HMCN1: variants seen among roughly 807,000 people sequenced by gnomAD.
HMCN1 encodes hemicentin 1.
In HMCN1, 321 loss-of-function variants were observed where a neutral mutation model predicts 625.9. The observed-to-expected ratio is 0.51, with a 90% confidence interval of 0.47 to 0.56. The LOEUF (loss-of-function observed/expected upper bound fraction) is 0.56. Ranked by LOEUF, HMCN1 falls within the 20% of genes least tolerant of loss-of-function variation. HMCN1 has a pLI of 0.00. For synonymous variants in HMCN1, 2,425 were observed against 2,417.6 expected (o/e 1.00, Z -0.09); for missense variants, 6,588 against 6,887.3 (o/e 0.96, Z 1.54).
intron 4 of HMCN1, among the ~76,000 whole-genome samples, chr1:185,874,717 GA>G (rs1331397796): frequency 6.6e-6 from 1 of 151,152 alleles, no homozygotes; most frequent in African/African-American, 2.4e-5. Flanking sequence ...GAAGAGAAAG[GA>G]AAAAAAATTC....
At chr1:186,085,978 C>A (rs76254986) in intron 57 of HMCN1, among the ~76,000 whole-genome samples, 159 of 152,204 alleles carry the variant, frequency 1.0e-3, no homozygotes, top group African/African-American at 3.6e-3. Flanking sequence ...TTGACAAAAT[C>A]GTCTTAGGAA....
intron 11 of HMCN1, among the ~76,000 whole-genome samples, chr1:185,962,114 TAGTC>T (rs766507030): frequency 9.2e-5 from 14 of 152,138 alleles, no homozygotes; most frequent in Non-Finnish European, 1.8e-4. Flanking sequence ...GCAGACAGCA[TAGTC>T]AGGACAAGTT....
chr1:186,174,405 C>A, intron 102 of HMCN1, 109 bp from the exon 103 acceptor site: 1 of 1,305,744 alleles, frequency 7.7e-7, no homozygotes, highest in Non-Finnish European at 1.1e-6. Context: ...ATCTCAACCA[C>A]TTGGTGAGAA....
At chr1:185,943,449 C>G (rs1468939334) in intron 11 of HMCN1, among the ~76,000 whole-genome samples, 1 of 152,182 alleles carries the variant, frequency 6.6e-6, no homozygotes, top group Non-Finnish European at 1.5e-5. Flanking sequence ...GAAATACCCC[C>G]ATACATCTGG....
chr1:185,957,970 A>G (rs1239223947), intron 11 of HMCN1, among the ~76,000 whole-genome samples: 4 of 152,222 alleles, frequency 2.6e-5, no homozygotes, highest in African/African-American at 9.6e-5. Flanking sequence ...ACAGAGGAAA[A>G]AAATCTAATT....
chr1:186,188,436 C>T lies in HMCN1; in HGVS notation c.16541+427C>T, dbSNP rs556010603. Among the ~76,000 whole-genome samples the T allele has an allele frequency of 4.6e-5, 7 of 152,282 alleles. No homozygotes were observed. The East Asian group carries it at 5.8e-4, about 13-fold the overall frequency. ...TCACTGACTCACCGCTCCTTGAGAA[C>T]GGAGATGAGTGAGGAATGAGTCAGT... On this transcript the variant is annotated intron_variant, in intron 106 of 106. Coordinates refer to ENST00000271588, the MANE Select transcript of HMCN1 (RefSeq NM_031935.3).
At position 186,087,497 on chromosome 1, in the gene HMCN1, G is replaced by A. The variant is rs533609111; in HGVS notation, c.9215G>A (p.Arg3072Lys). 2 of 1,613,310 alleles carry A rather than the reference G, an allele frequency of 1.2e-6. No homozygotes were observed. The highest frequency in any genetic ancestry group is 1.7e-6 in the Non-Finnish European group (2 of 1,179,506). Reference protein sequence around the residue: ...DSESLSVVNVREGTSVSLECE... With the variant: ...DSESLSVVNVKEGTSVSLECE... The stretch of plus-strand genomic sequence containing the variant: ...GAATCTCTTTCTGTAGTTAATGTAA[G>A]AGAGGGAACTTCTGTGTCTTTGGAG... The change falls in exon 60 of 107, where the codon AGA (arginine) becomes AAA (lysine). Residue 3072 changes from arginine (R) to lysine (K), a missense_variant. Physicochemically the swap from Arg to Lys is conservative, Grantham distance 26 (BLOSUM62 2). Transcript: ENST00000271588.
intron 64 of HMCN1, among the ~76,000 whole-genome samples, 166 bp from the exon 65 acceptor site, chr1:186,092,968 T>G (rs946620178): frequency 1.3e-5 from 2 of 152,102 alleles, no homozygotes; most frequent in Non-Finnish European, 2.9e-5. Context: ...TTCACTTCCT[T>G]TTTTTCTTAT....
intron 84 of HMCN1, 143 bp downstream of exon 84, chr1:186,130,243 G>GA (rs1038131574): frequency 5.9e-6 from 7 of 1,189,202 alleles, no homozygotes; most frequent in African/African-American, 1.6e-5. Flanking sequence ...AAATTCATGA[G>GA]AAAAAAATTA....
At chr1:186,030,363 G>A (rs897983847) in intron 36 of HMCN1, among the ~76,000 whole-genome samples, 2 of 151,890 alleles carry the variant, frequency 1.3e-5, no homozygotes, top group African/African-American at 4.8e-5. Context: ...TGTATATTGG[G>A]GATCTGTTGT....
chr1:185,914,713 T>C lies in HMCN1; in HGVS notation c.900+2933T>C, dbSNP rs537778235. Among the ~76,000 whole-genome samples, 16 of 152,104 alleles carry C rather than the reference T, an allele frequency of 1.1e-4. No individual in the cohort carries two copies. The South Asian group carries it at 3.3e-3, about 31-fold the overall frequency. On this transcript the variant is annotated intron_variant, in intron 6 of 106. Transcript: ENST00000271588. ...AAATGACAAAACTTTCATCAAACTT[T>C]GTCAGATTTTTTTTTCCCTAAAATG...
Position 185,864,539 on chromosome 1 carries a change from T to C in HMCN1, c.409T>C (p.Ser137Pro). 6.2e-7 allele frequency: 1 copy of C among 1,614,092 alleles called. No individual in the cohort carries two copies. The highest frequency in any genetic ancestry group is 8.5e-7 in the Non-Finnish European group (1 of 1,179,966). The change falls in exon 3 of 107, where the codon TCT becomes CCT. Residue 137 changes from serine to proline, a missense_variant. Coordinates refer to ENST00000271588, the MANE Select transcript of HMCN1 (RefSeq NM_031935.3). The part of the protein sequence containing the change: ...KIALEISLPG[S>P]FIYVFTDARS... ...TGCCTTGGAAATTTCTCTTCCTGGT[T>C]CTTTCATCTATGTTTTCACTGATGC...
intron 1 of HMCN1, among the ~76,000 whole-genome samples, chr1:185,763,254 A>G (rs543675047): frequency 9.8e-5 from 15 of 152,328 alleles, no homozygotes; most frequent in Non-Finnish European, 2.1e-4. Context: ...GGACCACCAG[A>G]GACAGGCTGA....
chr1:185,755,511 G>A lies in HMCN1; in HGVS notation c.268+20464G>A, dbSNP rs568952465. ...TGAGAGTGCTGCTAGGCCTCATGGC[G>A]TAGTGCTGGGATAAGGCTCCAGAAC... On this transcript the variant is annotated intron_variant, in intron 1 of 106. Coordinates refer to ENST00000271588, the MANE Select transcript of HMCN1 (RefSeq NM_031935.3). 9.9e-5 allele frequency among the ~76,000 whole-genome samples: 15 copies of A among 152,278 alleles called. No individual in the cohort carries two copies. The South Asian group carries it at 1.9e-3, about 19-fold the overall frequency.
intron 1 of HMCN1, among the ~76,000 whole-genome samples, chr1:185,835,935 A>T (rs1406508362): frequency 1.3e-5 from 2 of 152,182 alleles, no homozygotes; most frequent in African/African-American, 2.4e-5. Flanking sequence ...TTGTATATTC[A>T]ATAAAGACTA....
intron 5 of HMCN1, among the ~76,000 whole-genome samples, chr1:185,910,664 G>T (rs1666362149): frequency 6.7e-6 from 1 of 150,290 alleles, no homozygotes; most frequent in Non-Finnish European, 1.5e-5. Flanking sequence ...TCTCCCTCCT[G>T]GGTTCAAACG....
At chr1:185,974,623 G>T (rs1278733766) in intron 15 of HMCN1, among the ~76,000 whole-genome samples, 1 of 152,106 alleles carries the variant, frequency 6.6e-6, no homozygotes, top group African/African-American at 2.4e-5. Context: ...TAATTCACTT[G>T]GAGTTCATGT....
chr1:186,152,908 A>T, intron 96 of HMCN1, 37 bp downstream of exon 96: 1 of 1,611,900 alleles, frequency 6.2e-7, no homozygotes, highest in Non-Finnish European at 8.5e-7. Flanking sequence ...GCTGCTTATT[A>T]GAGTAATGAT....
intron 83 of HMCN1, among the ~76,000 whole-genome samples, chr1:186,129,037 G>A (rs1661789577): frequency 6.6e-6 from 1 of 151,792 alleles, no homozygotes; most frequent in Non-Finnish European, 1.5e-5. Context: ...TTTATCAACT[G>A]CATTACCTTA....
Sources: allele counts gnomAD v4.1 joint callset (sites outside exome capture counted in the v4.1 genomes callset), GRCh38; gene constraint gnomAD v4.1.1; transcripts MANE v1.5; gene names NCBI Gene and HGNC (gene_info 2026-07-23, HGNC 2026-07-21).